ST3GAL3: variants seen among roughly 807,000 people sequenced by gnomAD.
ST3GAL3 encodes CMP-N-acetylneuraminate-beta-1,4-galactoside alpha-2,3-sialyltransferase.
Under a neutral mutation model 50.1 loss-of-function variants are expected in ST3GAL3, and 21 were observed. The observed-to-expected ratio is 0.42, with a 90% CI of 0.30 to 0.60. The LOEUF (loss-of-function observed/expected upper bound fraction) is 0.60, where lower values mean the gene tolerates loss of function less well. Among genes scored for constraint, ST3GAL3 ranks in the 20% least tolerant of loss-of-function variants. The pLI is 0.19. For missense variants in ST3GAL3, 353 were observed against 489.4 expected (o/e 0.72, Z 2.63); for synonymous variants, 183 against 190.0 (o/e 0.96, Z 0.30).
chr1:43,859,936 C>T (rs1270413812), intron 5 of ST3GAL3, among the ~76,000 whole-genome samples: 1 of 152,230 alleles, frequency 6.6e-6, no homozygotes, highest in South Asian at 2.1e-4. Context: ...AAGGGCAGGA[C>T]TCTGCCAGCT....
intron 5 of ST3GAL3, among the ~76,000 whole-genome samples, chr1:43,880,470 A>G (rs560735455): frequency 9.2e-5 from 14 of 151,656 alleles, no homozygotes; most frequent in South Asian, 4.2e-4. Flanking sequence ...CTCTGGATCT[A>G]TCCCCTTCCT....
intron 2 of ST3GAL3, among the ~76,000 whole-genome samples, chr1:43,761,673 G>A (rs544077616): frequency 1.3e-5 from 2 of 151,672 alleles, no homozygotes; most frequent in Non-Finnish European, 2.9e-5. Context: ...AGGCTGGGCC[G>A]GGCGCGGTGG....
At chr1:43,809,505 G>C (rs1000543990) in intron 3 of ST3GAL3, among the ~76,000 whole-genome samples, 10 of 152,004 alleles carry the variant, frequency 6.6e-5, no homozygotes, top group African/African-American at 2.2e-4. Context: ...AGTTCAGCCT[G>C]GCCAACATAG....
At chr1:43,871,448 C>G (rs1216668665) in intron 5 of ST3GAL3, among the ~76,000 whole-genome samples, 18 of 99,098 alleles carry the variant, frequency 1.8e-4, no homozygotes, top group South Asian at 3.5e-4. Context: ...GAGAAGATGG[C>G]ATGTGAAGAA....
chr1:43,780,538 C>T (rs1414102992), intron 2 of ST3GAL3, among the ~76,000 whole-genome samples: 1 of 151,932 alleles, frequency 6.6e-6, no homozygotes, highest in Non-Finnish European at 1.5e-5. Context: ...TCTAGAACTC[C>T]CATATTCAGA....
intron 1 of ST3GAL3, among the ~76,000 whole-genome samples, chr1:43,715,235 A>C (rs1666789093): frequency 6.6e-6 from 1 of 152,118 alleles, no homozygotes; most frequent in South Asian, 2.1e-4. Context: ...TTGTCTGTCG[A>C]TATTTAATGT....
intron 5 of ST3GAL3, among the ~76,000 whole-genome samples, chr1:43,870,701 C>T (rs1049213784): frequency 4.6e-5 from 7 of 152,110 alleles, no homozygotes; most frequent in Admixed American, 6.5e-5. Flanking sequence ...GTGGTTTGTG[C>T]ATGTGAACTG....
chr1:43,797,422 C>G (rs2058805622), intron 3 of ST3GAL3, among the ~76,000 whole-genome samples: 1 of 152,006 alleles, frequency 6.6e-6, no homozygotes. Flanking sequence ...TTTGAAGAAA[C>G]AATGGCTAAA....
At chr1:43,857,134 C>A (rs927655379) in intron 5 of ST3GAL3, among the ~76,000 whole-genome samples, 6 of 152,166 alleles carry the variant, frequency 3.9e-5, no homozygotes, top group African/African-American at 1.4e-4. Flanking sequence ...TGAGGAGCTA[C>A]ATCTTATCCC....
rs574068341 is a variant in ST3GAL3, at chr1:43,813,615, A to G, written c.167-1276A>G. 9.7e-4 allele frequency among the ~76,000 whole-genome samples: 148 copies of G among 152,306 alleles called. 1 individual carries two copies. Among genetic ancestry groups the G allele is most frequent in the Middle Eastern group, 6.8e-3 (2 of 294 alleles). ...AGGATTTATTCTCTCTTCACAGCTC[A>G]GATGATTTTGAAAGCAATGAGTCTG... On this transcript the variant is annotated intron_variant, in intron 3 of 11. Transcript: ENST00000347631.
intron 11 of ST3GAL3, among the ~76,000 whole-genome samples, chr1:43,929,398 G>T (rs779944743): frequency 6.6e-6 from 1 of 151,496 alleles, no homozygotes; most frequent in African/African-American, 2.4e-5. Context: ...TCTGCCTCCC[G>T]GGTTCAAGCG....
chr1:43,919,608 G>A (rs1221107755), intron 9 of ST3GAL3: 2 of 152,710 alleles, frequency 1.3e-5, no homozygotes, highest in South Asian at 2.1e-4. Context: ...AGTAGCTGAT[G>A]TAATATACTT....
chr1:43,850,534 TC>T, intron 5 of ST3GAL3: 1 of 677,646 alleles, frequency 1.5e-6, no homozygotes. Flanking sequence ...AGTGCTGGGT[TC>T]CCCAGCCGCA....
At chr1:43,910,803 C>T (rs1337175877) in intron 9 of ST3GAL3, among the ~76,000 whole-genome samples, 1 of 152,210 alleles carries the variant, frequency 6.6e-6, no homozygotes, top group Non-Finnish European at 1.5e-5. Context: ...CGGGGTGTGG[C>T]ATGGGCATGG....
intron 3 of ST3GAL3, among the ~76,000 whole-genome samples, chr1:43,794,162 A>C (rs150120407): frequency 5.5e-4 from 83 of 152,206 alleles, no homozygotes; most frequent in African/African-American, 1.9e-3. Flanking sequence ...TCTTTACAAC[A>C]CAAATAATCA....
chr1:43,901,425 C>T (rs879718114), intron 9 of ST3GAL3, among the ~76,000 whole-genome samples: 1 of 152,198 alleles, frequency 6.6e-6, no homozygotes, highest in Admixed American at 6.5e-5. Context: ...TAAGGCCAGG[C>T]CAAAGGGGTG....
At chr1:43,810,301 G>T (rs1421686963) in intron 3 of ST3GAL3, among the ~76,000 whole-genome samples, 4 of 152,180 alleles carry the variant, frequency 2.6e-5, no homozygotes, top group African/African-American at 9.7e-5. Flanking sequence ...CAGGTGCTTG[G>T]CAGAGGAGAG....
intron 2 of ST3GAL3, among the ~76,000 whole-genome samples, chr1:43,782,158 T>G (rs1208571710): frequency 6.6e-6 from 1 of 152,204 alleles, no homozygotes; most frequent in African/African-American, 2.4e-5. Flanking sequence ...TTTGCTACAT[T>G]TAACATTATT....
chr1:43,714,351 G>T (rs1044148051), intron 1 of ST3GAL3, among the ~76,000 whole-genome samples: 1 of 151,130 alleles, frequency 6.6e-6, no homozygotes. Context: ...ACTTTGGGAG[G>T]CCGAGGTGGG....
Sources: gnomAD v4.1 joint callset for allele counts (sites outside exome capture counted in the v4.1 genomes callset) on GRCh38, gnomAD v4.1.1 for gene constraint, MANE v1.5 for transcripts, NCBI Gene and HGNC (gene_info 2026-07-23, HGNC 2026-07-21) for gene names.